CFAP54: variants seen among roughly 807,000 people sequenced by gnomAD.
CFAP54 encodes the protein cilia and flagella associated protein 54, also known as cilia- and flagella-associated protein 54.
Under a neutral mutation model 370.4 loss-of-function variants are expected in CFAP54, and 290 were observed. That is an observed-to-expected ratio of 0.78 (90% CI 0.71 to 0.86). The LOEUF is 0.86. CFAP54 is among the 40% of genes least tolerant of loss of function. The pLI is 0.00. For missense variants in CFAP54, 3,399 were observed against 3,528.7 expected, an observed-to-expected ratio of 0.96 and a Z score of 0.93; for synonymous variants, 1,206 against 1,236.5, an observed-to-expected ratio of 0.98 and a Z score of 0.52.
intron 33 of CFAP54, chr12:96,646,338 C>G (rs1401296354): frequency 3.3e-5 from 5 of 152,130 alleles, no homozygotes; most frequent in South Asian, 2.1e-4. Flanking sequence ...CCAAAAGACA[C>G]ATGAAAAAAT....
chr12:96,770,086 A>G (rs1176957752), intron 60 of CFAP54, among the ~76,000 whole-genome samples: 1 of 152,120 alleles, frequency 6.6e-6, no homozygotes, highest in Non-Finnish European at 1.5e-5. Context: ...ACAATTCCCC[A>G]TAGTAGGGGA....
intron 48 of CFAP54, among the ~76,000 whole-genome samples, chr12:96,710,713 G>A (rs1353852181): frequency 6.6e-6 from 1 of 151,694 alleles, no homozygotes; most frequent in Non-Finnish European, 1.5e-5. Context: ...AGGCTGGAGT[G>A]CAATGGTGTC....
intron 40 of CFAP54, among the ~76,000 whole-genome samples, chr12:96,680,657 G>T (rs1313979809): frequency 6.6e-6 from 1 of 151,442 alleles, no homozygotes; most frequent in Non-Finnish European, 1.5e-5. Context: ...TTTGTTTGTT[G>T]TTGTTGCCCA....
intron 60 of CFAP54, among the ~76,000 whole-genome samples, chr12:96,778,105 G>A (rs1958539895): frequency 6.6e-6 from 1 of 152,198 alleles, no homozygotes; most frequent in Non-Finnish European, 1.5e-5. Context: ...GATGAGTTAT[G>A]AACTGAGTCT....
chr12:96,575,908 G>A (rs1216832069), intron 19 of CFAP54, among the ~76,000 whole-genome samples: 1 of 151,930 alleles, frequency 6.6e-6, no homozygotes, highest in African/African-American at 2.4e-5. Flanking sequence ...GAGAGTCTTT[G>A]CCTTTTAATT....
chr12:96,654,826 C>T (rs1956903841), intron 36 of CFAP54, among the ~76,000 whole-genome samples: 1 of 90,324 alleles, frequency 1.1e-5, no homozygotes. Context: ...TGGCTCATTT[C>T]ACTTAATTTT....
intron 47 of CFAP54, among the ~76,000 whole-genome samples, chr12:96,706,035 A>G (rs1337386420): frequency 6.6e-6 from 1 of 152,118 alleles, no homozygotes. Context: ...TAATTCAACA[A>G]CAAAATCAAG....
chr12:96,825,967 CATAAT>C lies in CFAP54; in HGVS notation c.9097-3043_9097-3039del, dbSNP rs1230884556. Reference sequence around the variant, plus strand: ...CATTAATATATAAATTAATATATAACATAATATATTAATGTATAAATTAATAAATA... The same window carrying C: ...CATTAATATATAAATTAATATATAACATATTAATGTATAAATTAATAAATA... On this transcript the variant is annotated intron_variant, in intron 65 of 67. Transcript: ENST00000524981. 8.0e-5 allele frequency among the ~76,000 whole-genome samples: 11 copies of C among 137,336 alleles called. No individual in the cohort carries two copies. The East Asian group carries it at 2.3e-3, about 29-fold the overall frequency. 90.1% of individuals were successfully genotyped at this position (137,336 alleles called of 152,430 possible).
At chr12:96,591,270 T>C (rs1956121089) in intron 23 of CFAP54, among the ~76,000 whole-genome samples, 1 of 152,080 alleles carries the variant, frequency 6.6e-6, no homozygotes, top group African/African-American at 2.4e-5. Flanking sequence ...GAGTTGGCAA[T>C]TAGCAGGCCA....
At chr12:96,669,837 A>T (rs1175766756) in intron 39 of CFAP54, among the ~76,000 whole-genome samples, 2 of 152,158 alleles carry the variant, frequency 1.3e-5, no homozygotes, top group African/African-American at 4.8e-5. Context: ...TCATCAATGT[A>T]TTGGTGGTGG....
chr12:96,545,139 C>G (rs1255405401), intron 14 of CFAP54, among the ~76,000 whole-genome samples: 1 of 152,110 alleles, frequency 6.6e-6, no homozygotes, highest in Non-Finnish European at 1.5e-5. Flanking sequence ...TCTTGAACTC[C>G]TGACCTCAGG....
intron 36 of CFAP54, among the ~76,000 whole-genome samples, chr12:96,654,032 A>T (rs978541247): frequency 2.0e-5 from 3 of 152,210 alleles, no homozygotes; most frequent in African/African-American, 7.2e-5. Context: ...AGCACAACTT[A>T]ACAATCTGAC....
At chr12:96,757,402 T>G in intron 57 of CFAP54, 93 bp from the exon 58 acceptor site, 1 of 634,100 alleles carries the variant, frequency 1.6e-6, no homozygotes, top group East Asian at 3.1e-5. Context: ...TTGCCAGTTT[T>G]TACCTTTCAT....
At chr12:96,597,145 G>A (rs1437961387) in intron 25 of CFAP54, among the ~76,000 whole-genome samples, 2 of 151,722 alleles carry the variant, frequency 1.3e-5, no homozygotes, top group Non-Finnish European at 2.9e-5. Context: ...ACCTGACACG[G>A]TAGTCCCTCT....
At chr12:96,861,336 A>G (rs375774919) in intron 67 of CFAP54, among the ~76,000 whole-genome samples, 1 of 152,188 alleles carries the variant, frequency 6.6e-6, no homozygotes, top group East Asian at 1.9e-4. Flanking sequence ...GGTTGTTATC[A>G]CGGGTAGAGT....
intron 9 of CFAP54, among the ~76,000 whole-genome samples, chr12:96,531,274 A>G (rs1955438266): frequency 6.6e-6 from 1 of 152,056 alleles, no homozygotes; most frequent in South Asian, 2.1e-4. Context: ...ATAATCTTGT[A>G]TATATAGTGT....
rs779812289 is a variant in CFAP54 at position 96,743,732 on chromosome 12, A to G, written c.7379A>G (p.Asp2460Gly). The change falls in exon 54 of 68, where the codon GAT (aspartate) becomes GGT (glycine). Residue 2460 changes from aspartate to glycine, a missense_variant and splice_region_variant. This residue lies in a region of CFAP54 where 2,796 missense variants were observed against 2,869.7 expected (regional missense o/e 0.97). Coordinates refer to ENST00000524981, the MANE Select transcript of CFAP54 (RefSeq NM_001306084.2). Reference sequence around the variant, plus strand: ...AAATGAATAATTTTATTTTAATAGGATATAATACATTTGCTGGAAGGAAAT... The same window carrying G: ...AAATGAATAATTTTATTTTAATAGGGTATAATACATTTGCTGGAAGGAAAT... ...LKADIMTNLQ[D>G]IIHLLEGNEF... is the part of the protein sequence containing the mutation. The G allele has an allele frequency of 6.3e-7, 1 of 1,599,030 alleles. No homozygotes were observed. Among genetic ancestry groups the G allele is most frequent in the Admixed American group, 1.7e-5 (1 of 57,252 alleles).
chr12:96,693,319 T>G (rs1181772200), intron 44 of CFAP54, among the ~76,000 whole-genome samples: 1 of 152,208 alleles, frequency 6.6e-6, no homozygotes, highest in African/African-American at 2.4e-5. Flanking sequence ...AGAGATTGAG[T>G]TCCTTTGCTT....
rs543544113 is a variant in CFAP54 at position 96,822,993 on chromosome 12, A to G, written c.9096+5080A>G. 5.9e-5 allele frequency among the ~76,000 whole-genome samples: 9 copies of G among 152,172 alleles called. No individual in the cohort carries two copies. The South Asian group carries it at 1.9e-3, about 32-fold the overall frequency. On this transcript the variant is annotated intron_variant, in intron 65 of 67. Transcript: ENST00000524981. ...CTTCCAGTTTTCCTATTTCCCCATTATCTACATTCTGCACTGTATAGACAG... is the reference window on the plus strand; with the variant it reads ...CTTCCAGTTTTCCTATTTCCCCATTGTCTACATTCTGCACTGTATAGACAG...
Sources: gnomAD v4.1 joint callset for allele counts (sites outside exome capture counted in the v4.1 genomes callset) on GRCh38, gnomAD v4.1.1 for gene constraint, gnomAD v4.1.1 regional missense constraint, MANE v1.5 for transcripts, NCBI Gene and HGNC (gene_info 2026-07-23, HGNC 2026-07-21) for gene names.